Variants in MCM9 observed in about 807,000 individuals in gnomAD.
The protein encoded by MCM9 is minichromosome maintenance 9 homologous recombination repair factor.
Under a neutral mutation model 72.8 loss-of-function variants are expected in MCM9, and 55 were observed. The ratio of observed to expected loss-of-function variants is 0.76; its 90% CI spans 0.61 to 0.95. The LOEUF (loss-of-function observed/expected upper bound fraction) is 0.95. MCM9 is among the 40% of genes least tolerant of loss of function. The pLI is 0.00. For synonymous variants in MCM9, 480 were observed against 503.4 expected (o/e 0.95, Z 0.62); for missense variants, 1,279 against 1,377.0 (o/e 0.93, Z 1.13).
chr6:118,897,631 TTCAC>T (rs982840865), intron 8 of MCM9, among the ~76,000 whole-genome samples: 2 of 152,118 alleles, frequency 1.3e-5, no homozygotes, highest in East Asian at 1.9e-4. Context: ...ACTTCCCTCA[TTCAC>T]TCACTCTTTC....
At chr6:118,886,312 A>G (rs1446263604) in intron 8 of MCM9, among the ~76,000 whole-genome samples, 2 of 152,092 alleles carry the variant, frequency 1.3e-5, no homozygotes, top group African/African-American at 4.8e-5. Context: ...TCAACATTGT[A>G]CTGCAGGTTA....
chr6:118,880,245 T>C (rs1045270819), intron 8 of MCM9, among the ~76,000 whole-genome samples: 1 of 152,228 alleles, frequency 6.6e-6, no homozygotes, highest in East Asian at 1.9e-4. Context: ...ATTAGATAAA[T>C]TTGTAGCAGC....
intron 13 of MCM9, among the ~76,000 whole-genome samples, chr6:118,825,465 T>C (rs1774103798): frequency 6.6e-6 from 1 of 152,164 alleles, no homozygotes; most frequent in East Asian, 1.9e-4. Context: ...CCAAATTCTT[T>C]GCAGCTGTTC....
At chr6:118,906,855 T>C (rs1780215005) in intron 8 of MCM9, among the ~76,000 whole-genome samples, 2 of 152,204 alleles carry the variant, frequency 1.3e-5, no homozygotes, top group South Asian at 4.1e-4. Context: ...TTCTTTCTGA[T>C]AATAAGGCCG....
At position 118,917,501 on chromosome 6, in the gene MCM9, T is replaced by C. The variant is rs375323542; in HGVS notation, c.904+60A>G. 171 of 1,499,868 alleles carry C rather than the reference T, an allele frequency of 1.1e-4. No homozygotes were observed. The highest frequency in any genetic ancestry group is 1.5e-4 in the Non-Finnish European group (160 of 1,080,390). The allele number at this position is 1,499,868 out of a possible 1,614,324, so 92.9% of individuals were successfully genotyped here. A position where few individuals can be genotyped will look rare whatever the true frequency, so the allele number is the denominator to read the frequency against. ...TAAGACTGTCAAATCACAGACATCATATTTAACCACTGAATGTAATACCAT... is the reference window on the plus strand; with the variant it reads ...TAAGACTGTCAAATCACAGACATCACATTTAACCACTGAATGTAATACCAT... On this transcript the variant is annotated intron_variant, in intron 6 of 13. Transcript: ENST00000619706.
At chr6:118,894,096 CG>C (rs1779167902) in intron 8 of MCM9, 1 of 1,136,044 alleles carries the variant, frequency 8.8e-7, no homozygotes, top group African/African-American at 1.6e-5. Context: ...GAGTCCATTC[CG>C]GGAGCGGGAG....
chr6:118,822,401 T>C lies in MCM9; in HGVS notation c.1961+3746A>G, dbSNP rs535403661. ...CTTCCACAAGTCTGCTGCAGTTTGC[T>C]AGAGGTCCACTCCAGACCCTGTTTG... On this transcript the variant is annotated intron_variant, in intron 13 of 13. Transcript: ENST00000619706. Among the ~76,000 whole-genome samples, 3 of 152,290 alleles carry C rather than the reference T, an allele frequency of 2.0e-5. No homozygotes were observed. The South Asian group carries it at 6.2e-4, about 32-fold the overall frequency.
At chr6:118,926,540 C>T (rs1429497911) in intron 3 of MCM9, among the ~76,000 whole-genome samples, 1 of 152,164 alleles carries the variant, frequency 6.6e-6, no homozygotes, top group African/African-American at 2.4e-5. Flanking sequence ...AATATGTGGT[C>T]TTTTGAATCT....
intron 8 of MCM9, among the ~76,000 whole-genome samples, chr6:118,884,223 T>G (rs533814805): frequency 1.3e-5 from 2 of 152,278 alleles, no homozygotes; most frequent in African/African-American, 4.8e-5. Context: ...TAAAATTACA[T>G]AAAACAATAA....
intron 8 of MCM9, chr6:118,911,004 C>G: frequency 1.0e-6 from 1 of 985,226 alleles, no homozygotes; most frequent in Non-Finnish European, 1.2e-6. Context: ...AAACATTACC[C>G]AATCAAAACT....
rs1251498776 is a variant in MCM9, at chr6:118,911,722, G to C, written c.1078C>G (p.Gln360Glu). Residue 360 changes from glutamine to glutamate, a missense_variant, in exon 8 of 14, where the codon CAG becomes GAG. Transcript: ENST00000619706. The part of the protein sequence containing the change: ...LVGDPGTGKS[Q>E]FLKYAAKITP... Reference sequence around the variant, plus strand: ...ATCTTTGCTGCATATTTGAGGAACTGAGATTTCCCTGTGCCAGGATCCCCA... The same window carrying C: ...ATCTTTGCTGCATATTTGAGGAACTCAGATTTCCCTGTGCCAGGATCCCCA... 2.5e-6 allele frequency: 4 copies of C among 1,613,568 alleles called. No homozygotes were observed. Among genetic ancestry groups the C allele is most frequent in the Non-Finnish European group, 2.5e-6 (3 of 1,179,830 alleles).
chr6:118,887,211 G>A (rs1484118537), intron 8 of MCM9, among the ~76,000 whole-genome samples: 1 of 151,998 alleles, frequency 6.6e-6, no homozygotes. Context: ...AAGGTTGGAG[G>A]ACTCACACTT....
chr6:118,828,133 G>C lies in MCM9; in HGVS notation c.1529-3C>G. On this transcript the variant is annotated splice_polypyrimidine_tract_variant and splice_region_variant and intron_variant, in intron 10 of 13. Transcript: ENST00000619706. ...CTTCTCTGATTTGCTTGGGTAACCT[G>C]TATGTATCAGGTGTTGGGTCAGTAA... 6.5e-7 allele frequency: 1 copy of C among 1,549,354 alleles called. No individual in the cohort carries two copies. Among genetic ancestry groups the C allele is most frequent in the Non-Finnish European group, 8.7e-7 (1 of 1,146,260 alleles).
At chr6:118,862,413 T>C (rs151025905) in intron 8 of MCM9, among the ~76,000 whole-genome samples, 107,737 of 152,160 alleles carry the variant, frequency 0.71, 39,465 homozygotes, top group South Asian at 0.8. Context: ...TTGTAACATA[T>C]AATGAAATAA....
chr6:118,835,922 T>C (rs1486949061), intron 9 of MCM9, among the ~76,000 whole-genome samples: 1 of 152,180 alleles, frequency 6.6e-6, no homozygotes, highest in East Asian at 1.9e-4. Context: ...CCTTGTCTTG[T>C]GCCAGTTTTC....
At chr6:118,898,358 C>G (rs1779575694) in intron 8 of MCM9, among the ~76,000 whole-genome samples, 1 of 151,670 alleles carries the variant, frequency 6.6e-6, no homozygotes, top group Admixed American at 6.6e-5. Context: ...CACTTAGGAT[C>G]AAGGGCATTA....
intron 3 of MCM9, among the ~76,000 whole-genome samples, chr6:118,927,327 G>C (rs1353345433): frequency 6.6e-6 from 1 of 152,196 alleles, no homozygotes; most frequent in Non-Finnish European, 1.5e-5. Flanking sequence ...TTTTTGGCTG[G>C]ACGTGGTGGC....
intron 9 of MCM9, among the ~76,000 whole-genome samples, chr6:118,843,282 T>C (rs1372328522): frequency 1.3e-5 from 2 of 151,640 alleles, no homozygotes; most frequent in African/African-American, 2.4e-5. Context: ...AGTGTGCTTA[T>C]TTTCAAAAAA....
chr6:118,865,605 C>T (rs1467381074), intron 8 of MCM9, among the ~76,000 whole-genome samples: 4 of 152,172 alleles, frequency 2.6e-5, no homozygotes, highest in Admixed American at 2.0e-4. Context: ...AATGGACTTG[C>T]ACTGGGGAGC....
Sources: allele counts gnomAD v4.1 joint callset (sites outside exome capture counted in the v4.1 genomes callset), GRCh38; gene constraint gnomAD v4.1.1; transcripts MANE v1.5; gene names NCBI Gene and HGNC (gene_info 2026-07-23, HGNC 2026-07-21).